DGKB: variants seen among roughly 807,000 people sequenced by gnomAD.
The protein encoded by DGKB is 90 kDa diacylglycerol kinase.
A neutral mutation model predicts 114.3 loss-of-function variants in DGKB; 67 were observed. The observed-to-expected ratio is 0.59, with a 90% CI of 0.48 to 0.72. The LOEUF (loss-of-function observed/expected upper bound fraction) is 0.72, where lower values mean the gene tolerates loss of function less well. DGKB is among the 30% of genes least tolerant of loss of function. The pLI is 0.00. For missense variants in DGKB, 907 were observed against 975.2 expected, an observed-to-expected ratio of 0.93 and a Z score of 0.93; for synonymous variants, 398 against 323.1, an observed-to-expected ratio of 1.23 and a Z score of -2.49.
chr7:14,786,079 A>G (rs939107142), intron 2 of DGKB, among the ~76,000 whole-genome samples: 2 of 152,012 alleles, frequency 1.3e-5, no homozygotes, highest in Admixed American at 1.3e-4. Context: ...AATTGTACAG[A>G]GATTTCCTGT....
chr7:14,389,561 C>G (rs757616516), intron 21 of DGKB, among the ~76,000 whole-genome samples: 3 of 152,198 alleles, frequency 2.0e-5, no homozygotes, highest in Non-Finnish European at 4.4e-5. Flanking sequence ...CTTAACATTT[C>G]CTCTCAGGGA....
At chr7:14,380,837 T>C (rs1563063112) in intron 21 of DGKB, among the ~76,000 whole-genome samples, 2 of 152,244 alleles carry the variant, frequency 1.3e-5, no homozygotes, top group Admixed American at 6.5e-5. Flanking sequence ...TCTACAGACA[T>C]TGCGTTAGGC....
chr7:14,298,191 A>G lies in DGKB; in HGVS notation c.2122+40324T>C, dbSNP rs533773077. Among the ~76,000 whole-genome samples the G allele has an allele frequency of 6.6e-5, 10 of 152,292 alleles. No individual in the cohort carries two copies. In the East Asian group the frequency reaches 1.5e-3, roughly 24 times the overall value. On this transcript the variant is annotated intron_variant, in intron 23 of 25. Transcript: ENST00000402815. ...AGCTACCATTGACTTTCTTCACATA[A>G]TTAGAAAAAACTACTTCAAATTTCA... is the stretch of plus-strand genomic sequence containing the variant.
intron 2 of DGKB, among the ~76,000 whole-genome samples, chr7:14,822,306 T>C (rs1845058472): frequency 6.6e-6 from 1 of 152,076 alleles, no homozygotes; most frequent in Non-Finnish European, 1.5e-5. Flanking sequence ...GAAATGAAAG[T>C]TAAGTTTTAA....
At chr7:14,377,420 T>C (rs569746411) in intron 21 of DGKB, among the ~76,000 whole-genome samples, 1 of 152,302 alleles carries the variant, frequency 6.6e-6, no homozygotes, top group Admixed American at 6.5e-5. Context: ...AATGAAAAAT[T>C]GCATTGATGG....
chr7:14,340,821 G>C (rs894271907), intron 22 of DGKB, among the ~76,000 whole-genome samples: 5 of 151,904 alleles, frequency 3.3e-5, no homozygotes, highest in Admixed American at 1.3e-4. Flanking sequence ...GCTGGAGTCA[G>C]GGCCTGGCTT....
chr7:14,652,308 A>T (rs1053540030), intron 13 of DGKB, among the ~76,000 whole-genome samples: 1 of 152,202 alleles, frequency 6.6e-6, no homozygotes, highest in Non-Finnish European at 1.5e-5. Context: ...AGAGATATAG[A>T]TTAATGGAAC....
intron 1 of DGKB, among the ~76,000 whole-genome samples, chr7:14,856,696 T>G (rs538312142): frequency 1.3e-5 from 2 of 152,242 alleles, no homozygotes; most frequent in East Asian, 3.9e-4. Flanking sequence ...TCATCTAGTA[T>G]TCTATTAATG....
chr7:14,807,825 T>C (rs1012320521), intron 2 of DGKB, among the ~76,000 whole-genome samples: 1 of 152,092 alleles, frequency 6.6e-6, no homozygotes, highest in Admixed American at 6.6e-5. Flanking sequence ...TTGTGTATTA[T>C]GAAAAGCATG....
In DGKB at chr7:14,222,985, G is replaced by C. The variant is rs116648774; in HGVS notation, c.2123-44834C>G. On this transcript the variant is annotated intron_variant, in intron 23 of 25. Transcript: ENST00000402815. ...CTTGTGATTGCTGTTTGCATGATCT[G>C]TCTTTCCCAGTCATTTACTTTCAAT... Among the ~76,000 whole-genome samples, 16 of 151,686 alleles carry C rather than the reference G, an allele frequency of 1.1e-4. No homozygotes were observed. In the East Asian group the frequency reaches 1.7e-3, roughly 17 times the overall value.
At chr7:14,854,582 T>C (rs1849855281) in intron 1 of DGKB, among the ~76,000 whole-genome samples, 1 of 152,102 alleles carries the variant, frequency 6.6e-6, no homozygotes, top group African/African-American at 2.4e-5. Flanking sequence ...GGGTTTGTGC[T>C]CCTATGAGAA....
chr7:14,747,773 G>GCA (rs149679900), intron 4 of DGKB, among the ~76,000 whole-genome samples: 13,514 of 103,836 alleles, frequency 0.13, 778 homozygotes, highest in East Asian at 0.3. Context: ...ACACATCCAC[G>GCA]CGCACGCACA....
At chr7:14,745,511 G>A (rs1457053896) in intron 4 of DGKB, among the ~76,000 whole-genome samples, 2 of 152,164 alleles carry the variant, frequency 1.3e-5, no homozygotes, top group African/African-American at 4.8e-5. Flanking sequence ...AGCACAGGGG[G>A]GCTTGCCTAA....
intron 25 of DGKB, among the ~76,000 whole-genome samples, chr7:14,166,218 C>G (rs1052219010): frequency 6.6e-6 from 1 of 152,146 alleles, no homozygotes; most frequent in Non-Finnish European, 1.5e-5. Context: ...ATACCTAAAA[C>G]CTTAATCTTA....
chr7:14,635,378 G>A (rs192464967), intron 13 of DGKB, among the ~76,000 whole-genome samples: 6 of 96,386 alleles, frequency 6.2e-5, no homozygotes, highest in Admixed American at 2.6e-4. Flanking sequence ...ATGGAGGAGG[G>A]TAGAAAACAT....
intron 21 of DGKB, among the ~76,000 whole-genome samples, chr7:14,410,889 G>A (rs559202604): frequency 6.6e-6 from 1 of 152,248 alleles, no homozygotes; most frequent in East Asian, 1.9e-4. Context: ...TAAAGTGAAT[G>A]CCTCTACAGA....
intron 20 of DGKB, among the ~76,000 whole-genome samples, chr7:14,536,127 C>A (rs781125189): frequency 6.6e-6 from 1 of 151,940 alleles, no homozygotes; most frequent in Non-Finnish European, 1.5e-5. Flanking sequence ...CTTTAAAGAT[C>A]GGTAATGAAT....
intron 2 of DGKB, among the ~76,000 whole-genome samples, chr7:14,831,325 A>T (rs190126298): frequency 4.6e-5 from 7 of 152,162 alleles, no homozygotes; most frequent in African/African-American, 7.2e-5. Context: ...TTATTGAAAG[A>T]TAATTCTCAA....
chr7:14,892,759 T>C (rs1781450372), intron 1 of DGKB, among the ~76,000 whole-genome samples: 1 of 151,054 alleles, frequency 6.6e-6, no homozygotes, highest in Admixed American at 6.6e-5. Flanking sequence ...CTTATGACTA[T>C]AAAACCTAAA....
Sources: allele counts gnomAD v4.1 joint callset (sites outside exome capture counted in the v4.1 genomes callset), GRCh38; gene constraint gnomAD v4.1.1; transcripts MANE v1.5; gene names NCBI Gene and HGNC (gene_info 2026-07-23, HGNC 2026-07-21).